The following PRKCH variants were observed in gnomAD, a reference collection of about 807,000 sequenced individuals.
The protein encoded by PRKCH is protein kinase C eta type.
PRKCH carries 28 observed loss-of-function variants against 82.5 expected under a neutral mutation model. The observed-to-expected ratio is 0.34, with a 90% CI of 0.25 to 0.47. The LOEUF is 0.47. Among genes scored for constraint, PRKCH ranks in the 20% least tolerant of loss-of-function variants. The pLI, the probability that PRKCH is intolerant of heterozygous loss-of-function variation, is 1.00. For synonymous variants in PRKCH, 322 were observed against 327.4 expected (o/e 0.98, Z 0.18); for missense variants, 705 against 881.8 (o/e 0.80, Z 2.54).
intron 1 of PRKCH, among the ~76,000 whole-genome samples, chr14:61,271,415 A>G (rs2140086123): frequency 6.6e-6 from 1 of 151,864 alleles, no homozygotes; most frequent in South Asian, 2.1e-4. Flanking sequence ...CACGCCTTCA[A>G]CTCCAGTTCT....
chr14:61,299,852 T>C (rs1443514401), intron 1 of PRKCH: 1 of 152,200 alleles, frequency 6.6e-6, no homozygotes, highest in Non-Finnish European at 1.5e-5. Context: ...GCTACAGAAG[T>C]TAACAAACTG....
At chr14:61,286,203 G>A (rs113432385) in intron 1 of PRKCH, among the ~76,000 whole-genome samples, 5 of 152,286 alleles carry the variant, frequency 3.3e-5, no homozygotes, top group African/African-American at 1.2e-4. Flanking sequence ...TGCCCATGGG[G>A]CAGCTTTTAT....
At chr14:61,242,264 CA>C (rs1241732026) in intron 1 of PRKCH, among the ~76,000 whole-genome samples, 4 of 152,148 alleles carry the variant, frequency 2.6e-5, no homozygotes, top group African/African-American at 4.8e-5. Flanking sequence ...AGTGAATGGT[CA>C]TACCTTAACT....
chr14:61,472,181 G>A (rs1479756352), intron 9 of PRKCH, among the ~76,000 whole-genome samples: 2 of 152,300 alleles, frequency 1.3e-5, no homozygotes, highest in Middle Eastern at 3.4e-3. Flanking sequence ...GCTCGATAAG[G>A]CATTATTATC....
intron 1 of PRKCH, among the ~76,000 whole-genome samples, chr14:61,272,340 C>CATTT (rs2045162737): frequency 1.0e-5 from 1 of 97,838 alleles, no homozygotes; most frequent in African/African-American, 4.0e-5. Flanking sequence ...TTTCTTTTTT[C>CATTT]TTTCTTTTTT....
intron 10 of PRKCH, among the ~76,000 whole-genome samples, chr14:61,507,689 A>G (rs947694027): frequency 1.3e-5 from 2 of 152,204 alleles, no homozygotes; most frequent in Non-Finnish European, 2.9e-5. Context: ...CAGATACTGC[A>G]TGATCTCACT....
intron 2 of PRKCH, among the ~76,000 whole-genome samples, chr14:61,433,042 T>TAAA (rs1566879326): frequency 1.4e-3 from 34 of 23,486 alleles, no homozygotes; most frequent in African/African-American, 6.4e-3. Context: ...CCCAACCTCT[T>TAAA]CAAAAAAAAA....
At chr14:61,308,568 T>C (rs1318539796) in intron 1 of PRKCH, among the ~76,000 whole-genome samples, 1 of 152,240 alleles carries the variant, frequency 6.6e-6, no homozygotes, top group East Asian at 1.9e-4. Context: ...TGTGTCTTTC[T>C]TGCTACTTGT....
At chr14:61,300,853 A>G (rs1261027433) in intron 1 of PRKCH, among the ~76,000 whole-genome samples, 1 of 152,160 alleles carries the variant, frequency 6.6e-6, no homozygotes, top group Admixed American at 6.5e-5. Flanking sequence ...TGTGAATGGT[A>G]AAGAACAGAA....
chr14:61,259,850 G>A (rs754261521), intron 1 of PRKCH, among the ~76,000 whole-genome samples: 3 of 152,080 alleles, frequency 2.0e-5, no homozygotes, highest in Non-Finnish European at 4.4e-5. Context: ...TAACCAACAT[G>A]TCTGAAAGGT....
chr14:61,403,225 A>G (rs957118830), intron 2 of PRKCH, among the ~76,000 whole-genome samples: 11 of 152,202 alleles, frequency 7.2e-5, no homozygotes, highest in Admixed American at 5.2e-4. Flanking sequence ...TTAAATTTCT[A>G]ATTTGACAAA....
chr14:61,376,050 A>G (rs1165880616), intron 1 of PRKCH, among the ~76,000 whole-genome samples: 1 of 151,482 alleles, frequency 6.6e-6, no homozygotes, highest in East Asian at 1.9e-4. Flanking sequence ...TAAATACATT[A>G]AGATTTTATT....
At chr14:61,287,946 T>A (rs1342247741) in intron 1 of PRKCH, among the ~76,000 whole-genome samples, 2 of 152,206 alleles carry the variant, frequency 1.3e-5, no homozygotes, top group African/African-American at 2.4e-5. Context: ...ACCCTCTGCA[T>A]AGTGACTATA....
intron 1 of PRKCH, among the ~76,000 whole-genome samples, chr14:61,193,459 G>A (rs1449129963): frequency 6.6e-6 from 1 of 151,728 alleles, no homozygotes; most frequent in African/African-American, 2.4e-5. Flanking sequence ...TCAATCTCCT[G>A]TTAATTATAA....
At chr14:61,425,611 GC>G (rs1348231591) in intron 2 of PRKCH, among the ~76,000 whole-genome samples, 2 of 152,236 alleles carry the variant, frequency 1.3e-5, no homozygotes, top group African/African-American at 2.4e-5. Context: ...GAAGGGACTT[GC>G]CTTGTCTCAG....
intron 1 of PRKCH, among the ~76,000 whole-genome samples, chr14:61,282,678 C>A (rs1296994129): frequency 6.6e-6 from 1 of 152,088 alleles, no homozygotes; most frequent in Non-Finnish European, 1.5e-5. Context: ...AATCAAGTAT[C>A]AAATTGCATT....
intron 9 of PRKCH, among the ~76,000 whole-genome samples, chr14:61,470,075 C>T (rs1594741501): frequency 6.6e-6 from 1 of 151,254 alleles, no homozygotes; most frequent in Non-Finnish European, 1.5e-5. Flanking sequence ...CAGACAGGCT[C>T]AGAGCCGTCA....
chr14:61,539,820 G>A (rs894721246), intron 12 of PRKCH, among the ~76,000 whole-genome samples: 3 of 152,150 alleles, frequency 2.0e-5, no homozygotes, highest in South Asian at 2.1e-4. Flanking sequence ...CCCACCTGAC[G>A]CCGGACAGGC....
intron 10 of PRKCH, among the ~76,000 whole-genome samples, chr14:61,509,122 C>T (rs905931768): frequency 2.1e-4 from 32 of 152,088 alleles, no homozygotes; most frequent in African/African-American, 7.3e-4. Flanking sequence ...GAAAGAGGCC[C>T]CCGAATCCTG....
Sources: allele counts gnomAD v4.1 joint callset (sites outside exome capture counted in the v4.1 genomes callset), GRCh38; gene constraint gnomAD v4.1.1; transcripts MANE v1.5; gene names NCBI Gene and HGNC (gene_info 2026-07-23, HGNC 2026-07-21).